Variants in NAV2 observed in about 807,000 individuals in gnomAD.
NAV2 encodes the protein helicase, APC down-regulated 1.
In NAV2, 54 loss-of-function variants were observed where a neutral mutation model predicts 223.2. That is an observed-to-expected ratio of 0.24 (90% confidence interval 0.19 to 0.30). NAV2 has a LOEUF of 0.30. NAV2 is among the 10% of genes least tolerant of loss of function. NAV2 has a pLI of 1.00. For missense variants in NAV2, 2,806 were observed against 3,147.5 expected (o/e 0.89, Z 2.60); for synonymous variants, 1,279 against 1,239.3 (o/e 1.03, Z -0.67).
chr11:19,506,841 G>A (rs1342990932), intron 1 of NAV2: 1 of 152,128 alleles, frequency 6.6e-6, no homozygotes, highest in Non-Finnish European at 1.5e-5. Context: ...AATTTGAGGG[G>A]CTCACTGATA....
chr11:19,850,018 C>T (rs1337848005), intron 3 of NAV2, among the ~76,000 whole-genome samples: 1 of 152,150 alleles, frequency 6.6e-6, no homozygotes, highest in African/African-American at 2.4e-5. Flanking sequence ...CCATCCTCTC[C>T]TGCCACTTGG....
Position 20,107,915 on chromosome 11 carries a change from G to T in NAV2, c.6960+133G>T. ...CAACCCCTCACCTGGGAGTTCATCA[G>T]TGTAGTCCAGTGTAGGGACACACCT... On this transcript the variant is annotated intron_variant, in intron 36 of 37. Coordinates refer to ENST00000349880, the MANE Select transcript of NAV2 (RefSeq NM_145117.5). 6 of 679,044 alleles carry T rather than the reference G, an allele frequency of 8.8e-6. 1 individual carries two copies. Among genetic ancestry groups the T allele is most frequent in the South Asian group, 8.6e-5 (5 of 58,146 alleles). The allele number at this position is 679,044 out of a possible 1,614,324, so 42.1% of individuals were successfully genotyped here. A position where few individuals can be genotyped will look rare whatever the true frequency, so the allele number is the denominator to read the frequency against.
intron 22 of NAV2, 75 bp downstream of exon 22, chr11:20,068,473 C>A: frequency 9.4e-7 from 1 of 1,062,412 alleles, no homozygotes; most frequent in South Asian, 1.3e-5. Flanking sequence ...TCAAGTCCTC[C>A]TGTGCTGAAC....
intron 1 of NAV2, among the ~76,000 whole-genome samples, chr11:19,642,772 C>T (rs2047701733): frequency 6.6e-6 from 1 of 152,128 alleles, no homozygotes; most frequent in Non-Finnish European, 1.5e-5. Context: ...GAAAAGGCAG[C>T]TGCAAACAGT....
At chr11:19,539,076 C>G (rs888997889) in intron 1 of NAV2, among the ~76,000 whole-genome samples, 19 of 152,162 alleles carry the variant, frequency 1.2e-4, no homozygotes, top group Non-Finnish European at 7.4e-5. Context: ...TCATCCCTCT[C>G]CCCTTCCCCT....
chr11:20,056,668 C>T, intron 19 of NAV2: 1 of 1,379,480 alleles, frequency 7.2e-7, no homozygotes, highest in Non-Finnish European at 1.0e-6. Context: ...ATATCATCCC[C>T]ACCCCATGAA....
chr11:19,644,828 C>T (rs1268257571), intron 1 of NAV2, among the ~76,000 whole-genome samples: 1 of 152,174 alleles, frequency 6.6e-6, no homozygotes, highest in Non-Finnish European at 1.5e-5. Flanking sequence ...AACCAGAGCA[C>T]AAAGGTATGG....
intron 26 of NAV2, among the ~76,000 whole-genome samples, chr11:20,089,833 A>G (rs769837371): frequency 2.6e-5 from 4 of 152,206 alleles, no homozygotes; most frequent in African/African-American, 7.2e-5. Context: ...TAAGTAACTA[A>G]GGAGCCTAAG....
chr11:19,939,044 G>A (rs1017882889), intron 7 of NAV2, among the ~76,000 whole-genome samples: 1 of 152,190 alleles, frequency 6.6e-6, no homozygotes, highest in Non-Finnish European at 1.5e-5. Flanking sequence ...CAATTTGCTT[G>A]ACAAATAAGG....
intron 3 of NAV2, 111 bp from the exon 4 acceptor site, chr11:19,868,814 T>A (rs1056167960): frequency 1.1e-5 from 11 of 971,744 alleles, no homozygotes; most frequent in Non-Finnish European, 1.7e-5. Flanking sequence ...ATCTTGGCGT[T>A]CGTTCATCGG....
At chr11:19,466,024 A>G (rs1452306440) in intron 1 of NAV2, among the ~76,000 whole-genome samples, 1 of 152,264 alleles carries the variant, frequency 6.6e-6, no homozygotes, top group Non-Finnish European at 1.5e-5. Context: ...AATGTGTTTC[A>G]TTAAAATGCG....
At chr11:19,913,042 A>G (rs141400270) in intron 6 of NAV2, among the ~76,000 whole-genome samples, 408 of 152,008 alleles carry the variant, frequency 2.7e-3, no homozygotes, top group African/African-American at 9.4e-3. Context: ...CATGAAAGCT[A>G]CTCCTCCAGG....
At chr11:19,754,318 TG>T (rs1377778941) in intron 1 of NAV2, among the ~76,000 whole-genome samples, 1 of 152,188 alleles carries the variant, frequency 6.6e-6, no homozygotes, top group Non-Finnish European at 1.5e-5. Context: ...GCCTGTTACA[TG>T]GGAACACACT....
At chr11:19,705,058 GA>G (rs2049622334) in intron 1 of NAV2, among the ~76,000 whole-genome samples, 1 of 146,460 alleles carries the variant, frequency 6.8e-6, no homozygotes, top group Non-Finnish European at 1.5e-5. Flanking sequence ...ATATCAATTT[GA>G]AACTGAATTA....
intron 10 of NAV2, among the ~76,000 whole-genome samples, chr11:19,967,744 G>A (rs1264268818): frequency 6.6e-6 from 1 of 152,168 alleles, no homozygotes; most frequent in Non-Finnish European, 1.5e-5. Context: ...AGGGGTTCCT[G>A]CATGAGGTGA....
At chr11:19,393,895 GTTTTTTTTTTC>G (rs1430419050) in intron 1 of NAV2, among the ~76,000 whole-genome samples, 1 of 136,234 alleles carries the variant, frequency 7.3e-6, no homozygotes, top group Admixed American at 7.4e-5. Flanking sequence ...TAACTTAAGG[GTTTTTTTTTTC>G]TTTTTTTTTT....
rs148991716 is a variant in NAV2 at position 19,633,419 on chromosome 11, G to A, written c.76-199065G>A. On this transcript the variant is annotated intron_variant, in intron 1 of 37. Coordinates refer to the NAV2 transcript ENST00000360655. ...GGTACTCAGCCCGCCAAGAGGCCGC[G>A]GTGCTCACAGCTGCCAGTGGAGACA... Among the ~76,000 whole-genome samples the A allele has an allele frequency of 6.7e-3, 1,014 of 152,388 alleles. 13 individuals carry two copies. The highest frequency in any genetic ancestry group is 0.023 in the African/African-American group (951 of 41,594).
chr11:19,527,235 T>TTA (rs1292005991), intron 1 of NAV2, among the ~76,000 whole-genome samples: 1 of 152,194 alleles, frequency 6.6e-6, no homozygotes, highest in Admixed American at 6.5e-5. Flanking sequence ...TCTGATGGTT[T>TTA]TATAAAGGGT....
At chr11:19,495,562 A>C (rs2042766877) in intron 1 of NAV2, among the ~76,000 whole-genome samples, 1 of 152,210 alleles carries the variant, frequency 6.6e-6, no homozygotes, top group Non-Finnish European at 1.5e-5. Context: ...ATGAGCTGTC[A>C]TTCATTTATT....
Sources: gnomAD v4.1 joint callset for allele counts (sites outside exome capture counted in the v4.1 genomes callset) on GRCh38, gnomAD v4.1.1 for gene constraint, MANE v1.5 for transcripts, NCBI Gene and HGNC (gene_info 2026-07-23, HGNC 2026-07-21) for gene names.